FBXO36: variants seen among roughly 807,000 people sequenced by gnomAD.
The protein encoded by FBXO36 is F-box only protein 36.
In FBXO36, 18 loss-of-function variants were observed where a neutral mutation model predicts 17.0. The ratio of observed to expected loss-of-function variants is 1.06; its 90% CI spans 0.73 to 1.57. FBXO36 has a LOEUF of 1.57. Ranked by LOEUF, FBXO36 falls within the 40% of genes most tolerant of loss-of-function variation. The pLI, the probability that FBXO36 is intolerant of heterozygous loss-of-function variation, is 0.00. For missense variants in FBXO36, 229 were observed against 221.9 expected, an observed-to-expected ratio of 1.03 and a Z score of -0.20; for synonymous variants, 83 against 85.3, an observed-to-expected ratio of 0.97 and a Z score of 0.15.
intron 3 of FBXO36, among the ~76,000 whole-genome samples, chr2:230,008,168 G>A (rs2106219364): frequency 1.3e-5 from 2 of 152,290 alleles, no homozygotes; most frequent in African/African-American, 4.8e-5. Flanking sequence ...TAAGCAGGAG[G>A]CTGGAGAGCT....
intron 3 of FBXO36, among the ~76,000 whole-genome samples, chr2:230,009,985 G>A (rs575112447): frequency 2.2e-4 from 34 of 151,296 alleles, no homozygotes; most frequent in Admixed American, 8.6e-4. Flanking sequence ...GATAAGGCTG[G>A]GCACAGTGGC....
chr2:229,978,910 C>A (rs940420579), intron 2 of FBXO36, among the ~76,000 whole-genome samples: 1 of 152,150 alleles, frequency 6.6e-6, no homozygotes, highest in African/African-American at 2.4e-5. Context: ...AGCACAGTGG[C>A]TCATGCCTGT....
intron 1 of FBXO36, among the ~76,000 whole-genome samples, chr2:229,923,821 C>T (rs2076872456): frequency 1.4e-5 from 2 of 139,240 alleles, no homozygotes; most frequent in South Asian, 2.4e-4. Context: ...GAAAGGTATC[C>T]TTTTCTGTAC....
chr2:229,958,645 T>TA (rs1010147253), intron 1 of FBXO36, among the ~76,000 whole-genome samples: 6 of 152,136 alleles, frequency 3.9e-5, no homozygotes, highest in Non-Finnish European at 8.8e-5. Context: ...CAGGCCTCTA[T>TA]AAAGTATGTG....
At chr2:230,004,297 C>T (rs918806339) in intron 3 of FBXO36, among the ~76,000 whole-genome samples, 2 of 152,218 alleles carry the variant, frequency 1.3e-5, no homozygotes, top group African/African-American at 4.8e-5. Flanking sequence ...TGTCACCTAA[C>T]TTCATATACC....
intron 2 of FBXO36, among the ~76,000 whole-genome samples, chr2:229,981,214 C>T (rs1166043153): frequency 7.2e-5 from 11 of 152,102 alleles, no homozygotes; most frequent in African/African-American, 2.2e-4. Flanking sequence ...CAAAGTCAGG[C>T]GCAGTGGCTC....
chr2:229,999,422 C>T (rs150410913), intron 3 of FBXO36, among the ~76,000 whole-genome samples: 12 of 143,644 alleles, frequency 8.4e-5, no homozygotes, highest in East Asian at 4.1e-4. Flanking sequence ...CCACCGCGCC[C>T]GGCCTTAAGT....
At chr2:229,981,210 C>G (rs2077237565) in intron 2 of FBXO36, among the ~76,000 whole-genome samples, 1 of 152,116 alleles carries the variant, frequency 6.6e-6, no homozygotes, top group African/African-American at 2.4e-5. Flanking sequence ...GATACAAAGT[C>G]AGGCGCAGTG....
chr2:229,941,733 C>T (rs2076999703), intron 1 of FBXO36, among the ~76,000 whole-genome samples: 1 of 152,024 alleles, frequency 6.6e-6, no homozygotes, highest in African/African-American at 2.4e-5. Context: ...CCCAAATTTT[C>T]AGGCCTGGCG....
At position 229,976,003 on chromosome 2, in the gene FBXO36, C is replaced by T. The variant is rs533591681; in HGVS notation, c.97-238C>T. Among the ~76,000 whole-genome samples, 6 of 152,154 alleles carry T rather than the reference C, an allele frequency of 3.9e-5. No individual in the cohort carries two copies. In the East Asian group the frequency reaches 5.8e-4, roughly 15 times the overall value. ...GATTACAAGTGTGAGCCACTGCACC[C>T]GGCCGACCTGATCGATTTTAAAAGT... On this transcript the variant is annotated intron_variant, in intron 1 of 3. Coordinates refer to ENST00000283946, the MANE Select transcript of FBXO36 (RefSeq NM_174899.5).
At chr2:229,924,346 G>A (rs1275418218) in intron 1 of FBXO36, among the ~76,000 whole-genome samples, 4 of 152,140 alleles carry the variant, frequency 2.6e-5, no homozygotes, top group Non-Finnish European at 5.9e-5. Context: ...AGCTGCCTCG[G>A]CCTCCCAAAT....
At chr2:229,944,776 G>A (rs2077018398) in intron 1 of FBXO36, among the ~76,000 whole-genome samples, 1 of 151,618 alleles carries the variant, frequency 6.6e-6, no homozygotes, top group African/African-American at 2.4e-5. Context: ...TGTATTTTTA[G>A]TAGAGACGGG....
chr2:230,010,047 A>T (rs1225925465), intron 3 of FBXO36, among the ~76,000 whole-genome samples: 1 of 152,188 alleles, frequency 6.6e-6, no homozygotes, highest in Non-Finnish European at 1.5e-5. Flanking sequence ...AGATCACCTG[A>T]GGTCGGGAGC....
At chr2:229,956,972 C>T (rs1174230261) in intron 1 of FBXO36, among the ~76,000 whole-genome samples, 1 of 152,130 alleles carries the variant, frequency 6.6e-6, no homozygotes, top group South Asian at 2.1e-4. Context: ...ATCCTTCTTA[C>T]AAGTCTTATC....
chr2:229,964,648 G>A (rs968036225), intron 1 of FBXO36, among the ~76,000 whole-genome samples: 4 of 152,156 alleles, frequency 2.6e-5, no homozygotes, highest in Admixed American at 2.0e-4. Flanking sequence ...AGCCTCCTGA[G>A]TAGCTGGGAC....
intron 1 of FBXO36, among the ~76,000 whole-genome samples, chr2:229,952,652 G>C (rs936004614): frequency 6.6e-6 from 1 of 152,080 alleles, no homozygotes; most frequent in Admixed American, 6.6e-5. Flanking sequence ...TTTGCTAAAG[G>C]AGGTAGTGGC....
chr2:229,946,099 G>A (rs200480313), intron 1 of FBXO36, among the ~76,000 whole-genome samples: 2 of 152,002 alleles, frequency 1.3e-5, no homozygotes, highest in Non-Finnish European at 2.9e-5. Flanking sequence ...TTTGCATTGC[G>A]GCCCCAGGGG....
chr2:229,955,615 G>A (rs190044866), intron 1 of FBXO36, among the ~76,000 whole-genome samples: 15 of 152,224 alleles, frequency 9.9e-5, no homozygotes, highest in Admixed American at 2.6e-4. Flanking sequence ...CATGGGAGTC[G>A]GGGGTTTTGT....
chr2:229,948,995 G>A (rs1480262273), intron 1 of FBXO36, among the ~76,000 whole-genome samples: 4 of 152,004 alleles, frequency 2.6e-5, no homozygotes, highest in Admixed American at 6.6e-5. Context: ...CACCACACCC[G>A]GCTAATTTTT....
Sources: gnomAD v4.1 joint callset for allele counts (sites outside exome capture counted in the v4.1 genomes callset) on GRCh38, gnomAD v4.1.1 for gene constraint, MANE v1.5 for transcripts, NCBI Gene and HGNC (gene_info 2026-07-23, HGNC 2026-07-21) for gene names.